The following LCA5 variants were observed in gnomAD, a reference collection of about 807,000 sequenced individuals.
The protein encoded by LCA5 is lebercilin LCA5.
Under a neutral mutation model 53.0 loss-of-function variants are expected in LCA5, and 37 were observed. The observed-to-expected ratio is 0.70, with a 90% CI of 0.54 to 0.92. The LOEUF (loss-of-function observed/expected upper bound fraction) is 0.92, where lower values mean the gene tolerates loss of function less well. LCA5 is among the 40% of genes least tolerant of loss of function. The pLI is 0.00. For synonymous variants in LCA5, 303 were observed against 282.9 expected (o/e 1.07, Z -0.71); for missense variants, 806 against 790.5 (o/e 1.02, Z -0.23).
intron 1 of LCA5, among the ~76,000 whole-genome samples, chr6:79,523,183 C>T (rs2575196): frequency 0.85 from 128,717 of 152,134 alleles, 54,844 homozygotes; most frequent in East Asian, 0.98. Context: ...TTCTGATGTG[C>T]CTAGCAATCG....
At chr6:79,487,889 A>C in intron 7 of LCA5, 23 bp from the exon 8 acceptor site, 2 of 1,569,514 alleles carry the variant, frequency 1.3e-6, no homozygotes, top group Non-Finnish European at 1.7e-6. Context: ...AAATTTTTTA[A>C]ATGGGATTTT....
upstream of LCA5, among the ~76,000 whole-genome samples, chr6:79,538,350 C>T (rs562933168): frequency 5.9e-5 from 9 of 152,248 alleles, no homozygotes; most frequent in East Asian, 7.7e-4. Context: ...ATTCCTGCTT[C>T]TCGCTCAACC....
chr6:79,538,138 G>C (rs540841959), upstream of LCA5, among the ~76,000 whole-genome samples: 1 of 109,820 alleles, frequency 9.1e-6, no homozygotes, highest in East Asian at 4.7e-4. Flanking sequence ...TTAATTGCGG[G>C]AGACAGGGAA....
At chr6:79,535,291 G>A (rs1425730423) in intron 1 of LCA5, among the ~76,000 whole-genome samples, 1 of 152,116 alleles carries the variant, frequency 6.6e-6, no homozygotes, top group Non-Finnish European at 1.5e-5. Context: ...AGGCTCTTCA[G>A]TAGGGTTAAT....
Position 79,518,849 on chromosome 6 carries a change from C to T in LCA5, c.46G>A (p.Ala16Thr). 1 of 1,614,106 alleles carries T rather than the reference C, an allele frequency of 6.2e-7. No individual in the cohort carries two copies. The highest frequency in any genetic ancestry group is 1.6e-4 in the Middle Eastern group (1 of 6,062). Residue 16 changes from alanine (A) to threonine (T), a missense_variant, in exon 2 of 8, where the codon GCA (alanine) becomes ACA (threonine). Physicochemically the swap from Ala to Thr is moderately conservative, Grantham distance 58 (BLOSUM62 0). Coordinates refer to ENST00000369846, the MANE Select transcript of LCA5 (RefSeq NM_001122769.3). ...AAGTAAGAATAATGGTGTTTGCCTG[C>T]CTTTCTTTCTTGATCAGTACCTGGA... ...GSPGTDQERK[A>T]GKHHYSYLSD...
rs529526433 is a variant in LCA5 at position 79,492,718 on chromosome 6, T to C, written c.859-71A>G. Reference sequence around the variant, plus strand: ...AAACAAAACAAAACCCCTCACTTTGTCATCTGGTATTTTCTTACCATATTG... The same window carrying C: ...AAACAAAACAAAACCCCTCACTTTGCCATCTGGTATTTTCTTACCATATTG... On this transcript the variant is annotated intron_variant, in intron 4 of 7. Coordinates refer to ENST00000369846, the MANE Select transcript of LCA5 (RefSeq NM_001122769.3). 7 of 786,878 alleles carry C rather than the reference T, an allele frequency of 8.9e-6. No homozygotes were observed. The African/African-American group carries it at 1.0e-4, about 12-fold the overall frequency. The allele number at this position is 786,878 out of a possible 1,614,324, so 48.7% of individuals were successfully genotyped here.
intron 6 of LCA5, among the ~76,000 whole-genome samples, chr6:79,491,359 A>G (rs1297761395): frequency 6.6e-6 from 1 of 152,132 alleles, no homozygotes; most frequent in Non-Finnish European, 1.5e-5. Context: ...TACATGTGCC[A>G]TGCTGGTGTG....
intron 6 of LCA5, 71 bp from the exon 7 acceptor site, chr6:79,489,287 A>G: frequency 6.8e-7 from 1 of 1,478,980 alleles, no homozygotes; most frequent in Non-Finnish European, 9.3e-7. Context: ...ACACAGATTT[A>G]TCCATTAAAC....
At chr6:79,505,946 G>A (rs1161342397) in intron 3 of LCA5, among the ~76,000 whole-genome samples, 1 of 152,162 alleles carries the variant, frequency 6.6e-6, no homozygotes, top group Non-Finnish European at 1.5e-5. Flanking sequence ...GGAAGACAAT[G>A]TAAGTAAAGG....
At position 79,487,458 on chromosome 6, in the gene LCA5, G is replaced by A. The variant is rs1212719379; in HGVS notation, c.1640C>T (p.Ser547Phe). The change falls in exon 8 of 8, where the codon TCC (serine) becomes TTC (phenylalanine). Residue 547 changes from serine to phenylalanine, a missense_variant. Coordinates refer to ENST00000369846, the MANE Select transcript of LCA5 (RefSeq NM_001122769.3). ...GCTACCAAATGCGAACTCATTAGGG[G>A]AGGCTGGACTTCTAACATTTCCTGA... ...QNSGNVRSPA[S>F]PNEFAFGSYV... The A allele has an allele frequency of 1.2e-6, 2 of 1,614,026 alleles. No individual in the cohort carries two copies. The highest frequency in any genetic ancestry group is 1.1e-5 in the South Asian group (1 of 91,068).
chr6:79,527,372 A>G (rs1270509933), intron 1 of LCA5, among the ~76,000 whole-genome samples: 1 of 152,212 alleles, frequency 6.6e-6, no homozygotes, highest in African/African-American at 2.4e-5. Flanking sequence ...GAACGTCAAA[A>G]TGGAAACTGG....
At chr6:79,527,768 CAAAGGAAGCGTCTTGGG>C (rs889453717) in intron 1 of LCA5, among the ~76,000 whole-genome samples, 4 of 152,102 alleles carry the variant, frequency 2.6e-5, no homozygotes, top group African/African-American at 9.7e-5. Flanking sequence ...AACCAAGAAC[CAAAGGAAGCGTCTTGGG>C]TATATGGGTT....
chr6:79,508,860 T>C (rs761453720), intron 3 of LCA5, among the ~76,000 whole-genome samples: 13 of 152,234 alleles, frequency 8.5e-5, no homozygotes, highest in Non-Finnish European at 1.5e-4. Context: ...GGATCAATAG[T>C]GTTGGCTGAA....
chr6:79,488,187 G>C (rs1373063283), intron 7 of LCA5: 2 of 232,624 alleles, frequency 8.6e-6, no homozygotes, highest in Non-Finnish European at 1.6e-5. Flanking sequence ...ATGGAGCAAA[G>C]ACTCTACACT....
At chr6:79,498,567 T>TA (rs949440903) in intron 3 of LCA5, among the ~76,000 whole-genome samples, 1 of 152,028 alleles carries the variant, frequency 6.6e-6, no homozygotes, top group African/African-American at 2.4e-5. Flanking sequence ...AGACAACTAC[T>TA]AAAAAGTGTT....
intron 3 of LCA5, among the ~76,000 whole-genome samples, chr6:79,507,473 T>C (rs972093039): frequency 6.6e-6 from 1 of 152,196 alleles, no homozygotes; most frequent in African/African-American, 2.4e-5. Context: ...CTACTTTATA[T>C]AACTAAAAAA....
At chr6:79,516,759 A>G (rs550253916) in intron 2 of LCA5, among the ~76,000 whole-genome samples, 1 of 152,094 alleles carries the variant, frequency 6.6e-6, no homozygotes, top group South Asian at 2.1e-4. Context: ...GTCACTCCCA[A>G]AAAGTGGGTG....
Position 79,497,803 on chromosome 6 carries a change from T to C in LCA5, c.721-4053A>G, listed in dbSNP as rs1290867322. ...GCCCGACCAACATGGTAAAACCTCA[T>C]CTCTACTAAAAATACAAAAATTAGC... On this transcript the variant is annotated intron_variant, in intron 3 of 7. Coordinates refer to ENST00000369846, the MANE Select transcript of LCA5 (RefSeq NM_001122769.3). Among the ~76,000 whole-genome samples the C allele has an allele frequency of 4.0e-5, 6 of 151,866 alleles. No homozygotes were observed. The East Asian group carries it at 1.2e-3, about 29-fold the overall frequency.
rs1258488849 is a variant in LCA5 at position 79,487,349 on chromosome 6, A to G, written c.1749T>C (p.Ser583=). The change falls in exon 8 of 8, where the codon AGT becomes AGC. Residue 583 remains serine (S), a synonymous_variant. Transcript: ENST00000369846. ...KSSFLDFQRN[S]MEKLSKDGVD... is the part of the protein sequence containing the mutation. The stretch of plus-strand genomic sequence containing the variant: ...CACCATCTTTACTAAGTTTTTCCAT[A>G]CTGTTTCTTTGGAAATCCAAAAAAC... 6.2e-7 allele frequency: 1 copy of G among 1,613,450 alleles called. No homozygotes were observed. Among genetic ancestry groups the G allele is most frequent in the East Asian group, 2.2e-5 (1 of 44,882 alleles).
Sources: gnomAD v4.1 joint callset for allele counts (sites outside exome capture counted in the v4.1 genomes callset) on GRCh38, gnomAD v4.1.1 for gene constraint, MANE v1.5 for transcripts, NCBI Gene and HGNC (gene_info 2026-07-23, HGNC 2026-07-21) for gene names.